P2RY8: variants seen among roughly 807,000 people sequenced by gnomAD.
The protein encoded by P2RY8 is P2Y receptor family member 8.
Under a neutral mutation model 10.0 loss-of-function variants are expected in P2RY8, and 6 were observed. The ratio of observed to expected loss-of-function variants is 0.60; its 90% CI spans 0.33 to 1.19. P2RY8 has a LOEUF of 1.19. P2RY8 is among the 50% of genes most tolerant of loss of function. P2RY8 has a pLI of 0.04. For missense variants in P2RY8, 456 were observed against 542.0 expected (o/e 0.84, Z 1.58); for synonymous variants, 276 against 252.5 (o/e 1.09, Z -0.88).
chrX:1,508,059 C>A (rs1457303629), intron 1 of P2RY8, among the ~76,000 whole-genome samples: 1 of 152,086 alleles, frequency 6.6e-6, no homozygotes, highest in African/African-American at 2.4e-5. Flanking sequence ...ATGCCCCTGT[C>A]CCCCCGACGC....
At chrX:1,485,561 G>A (rs1219056972) in intron 1 of P2RY8, among the ~76,000 whole-genome samples, 1 of 149,590 alleles carries the variant, frequency 6.7e-6, no homozygotes, top group Non-Finnish European at 1.5e-5. Flanking sequence ...ATATGGATAT[G>A]TAAATTTAAT....
intron 1 of P2RY8, among the ~76,000 whole-genome samples, chrX:1,480,098 A>G (rs1219720470): frequency 9.9e-5 from 15 of 152,168 alleles, no homozygotes; most frequent in African/African-American, 3.4e-4. Flanking sequence ...TCCTTCCAGA[A>G]GATAGAAACA....
At chrX:1,526,833 G>A (rs763038270) in intron 1 of P2RY8, among the ~76,000 whole-genome samples, 64 of 151,974 alleles carry the variant, frequency 4.2e-4, no homozygotes, top group Admixed American at 2.0e-3. Flanking sequence ...ATTTACCCAC[G>A]CATTCATTCA....
chrX:1,468,605 C>T (rs1489982351), intron 1 of P2RY8, among the ~76,000 whole-genome samples: 4 of 152,036 alleles, frequency 2.6e-5, no homozygotes, highest in Admixed American at 6.6e-5. Context: ...ATCAGCACAA[C>T]GGTTGTTCTT....
At chrX:1,497,998 C>T (rs1175209460) in intron 1 of P2RY8, among the ~76,000 whole-genome samples, 4 of 152,136 alleles carry the variant, frequency 2.6e-5, no homozygotes, top group Middle Eastern at 3.4e-3. Flanking sequence ...CCAACAGACA[C>T]GGAGAGCATG....
At chrX:1,521,168 G>A (rs1263112444) in intron 1 of P2RY8, among the ~76,000 whole-genome samples, 1 of 151,170 alleles carries the variant, frequency 6.6e-6, no homozygotes, top group Non-Finnish European at 1.5e-5. Context: ...CTGAGTAGCT[G>A]GGATTACAGA....
chrX:1,500,737 T>C (rs1290112595), intron 1 of P2RY8, among the ~76,000 whole-genome samples: 10 of 152,078 alleles, frequency 6.6e-5, no homozygotes, highest in African/African-American at 2.4e-4. Context: ...CGAGAGGCCC[T>C]GCGCCCGGCC....
At chrX:1,519,778 C>T (rs1420284063) in intron 1 of P2RY8, among the ~76,000 whole-genome samples, 1 of 151,500 alleles carries the variant, frequency 6.6e-6, no homozygotes, top group African/African-American at 2.4e-5. Context: ...TCTGATCTCC[C>T]CCAAATCTCC....
chrX:1,489,056 A>C (rs1274229191), intron 1 of P2RY8, among the ~76,000 whole-genome samples: 1 of 151,552 alleles, frequency 6.6e-6, no homozygotes, highest in Non-Finnish European at 1.5e-5. Flanking sequence ...ACACCCAGAG[A>C]TTCATTCCCA....
intron 1 of P2RY8, among the ~76,000 whole-genome samples, chrX:1,516,580 GAGA>G (rs1229277338): frequency 6.6e-6 from 1 of 151,634 alleles, no homozygotes; most frequent in African/African-American, 2.4e-5. Context: ...AGGACACAGG[GAGA>G]AGATGGCGTC....
intron 1 of P2RY8, among the ~76,000 whole-genome samples, chrX:1,499,137 G>GT (rs1230046401): frequency 1.4e-5 from 2 of 139,440 alleles, no homozygotes; most frequent in Non-Finnish European, 3.1e-5. Context: ...CCAACCCTCT[G>GT]TTTTTTTTCT....
intron 1 of P2RY8, among the ~76,000 whole-genome samples, chrX:1,494,529 G>T (rs1462663118): frequency 6.6e-6 from 1 of 150,720 alleles, no homozygotes; most frequent in Non-Finnish European, 1.5e-5. Flanking sequence ...TTTTCAATTA[G>T]GCTTTAAAAA....
At chrX:1,499,968 C>T (rs1385195961) in intron 1 of P2RY8, among the ~76,000 whole-genome samples, 1 of 141,138 alleles carries the variant, frequency 7.1e-6, no homozygotes, top group Non-Finnish European at 1.6e-5. Context: ...CCGCCATTCT[C>T]CTGCCTCAGC....
chrX:1,525,476 G>A (rs1482781400), intron 1 of P2RY8, among the ~76,000 whole-genome samples: 5 of 152,146 alleles, frequency 3.3e-5, no homozygotes, highest in African/African-American at 1.2e-4. Flanking sequence ...GGACGTCAAG[G>A]ATGGCAGAGG....
At position 1,477,979 on chromosome X, in the gene P2RY8, C is replaced by T. The variant is rs755265644; in HGVS notation, c.-24-11397G>A. On this transcript the variant is annotated intron_variant, in intron 1 of 1. Transcript: ENST00000381297. The stretch of plus-strand genomic sequence containing the variant: ...TTCCTTAAAATGCCTGCACGTGCCC[C>T]TCATTGCCTTGCCGTCACGGACCTC... Among the ~76,000 whole-genome samples the T allele has an allele frequency of 1.1e-4, 16 of 152,254 alleles. No individual in the cohort carries two copies. The South Asian group carries it at 3.1e-3, about 30-fold the overall frequency.
chrX:1,478,299 C>T (rs1334205697), intron 1 of P2RY8, among the ~76,000 whole-genome samples: 6 of 130,928 alleles, frequency 4.6e-5, no homozygotes, highest in African/African-American at 1.7e-4. Flanking sequence ...GAAATTATTA[C>T]CAACATATCT....
At position 1,493,145 on chromosome X, in the gene P2RY8, G is replaced by A. The variant is rs1165879206; in HGVS notation, c.-24-26563C>T. ...TACTAAAAAATACAAAAAATTAGCC[G>A]GGCGTTGGGGTGGGCGCCTGTAATC... On this transcript the variant is annotated intron_variant, in intron 1 of 1. Transcript: ENST00000381297. Among the ~76,000 whole-genome samples the A allele has an allele frequency of 9.3e-4, 140 of 150,418 alleles. 1 individual carries two copies. Among genetic ancestry groups the A allele is most frequent in the African/African-American group, 3.0e-3 (124 of 40,868 alleles).
intron 1 of P2RY8, among the ~76,000 whole-genome samples, chrX:1,526,508 T>C (rs2092441336): frequency 6.6e-6 from 1 of 152,008 alleles, no homozygotes; most frequent in African/African-American, 2.4e-5. Flanking sequence ...ATCCATTCAG[T>C]CATCCATGCA....
intron 1 of P2RY8, among the ~76,000 whole-genome samples, chrX:1,490,736 G>A (rs1376888847): frequency 1.3e-5 from 2 of 149,598 alleles, no homozygotes; most frequent in African/African-American, 5.0e-5. Flanking sequence ...CCCCACAAAT[G>A]TGGGGGGAAT....
Sources: gnomAD v4.1 joint callset for allele counts (sites outside exome capture counted in the v4.1 genomes callset) on GRCh38, gnomAD v4.1.1 for gene constraint, MANE v1.5 for transcripts, NCBI Gene and HGNC (gene_info 2026-07-23, HGNC 2026-07-21) for gene names.